C16orf74: variants seen among roughly 807,000 people sequenced by gnomAD.
The protein encoded by C16orf74 is calcimembrin.
Under a neutral mutation model 6.5 loss-of-function variants are expected in C16orf74, and 10 were observed. The observed-to-expected ratio is 1.54, with a 90% CI of 0.95 to 2.61. The LOEUF (loss-of-function observed/expected upper bound fraction) is 2.61, where lower values mean the gene tolerates loss of function less well. C16orf74 is among the 30% of genes most tolerant of loss of function. The probability of loss-of-function intolerance (pLI) is 0.00; values close to 1 mark genes in which losing one functional copy is unlikely to be tolerated. For synonymous variants in C16orf74, 60 were observed against 42.5 expected (o/e 1.41, Z -1.60); for missense variants, 141 against 105.9 (o/e 1.33, Z -1.45).
At chr16:85,724,086 G>A (rs2054109327) in intron 2 of C16orf74, among the ~76,000 whole-genome samples, 1 of 151,880 alleles carries the variant, frequency 6.6e-6, no homozygotes, top group Non-Finnish European at 1.5e-5. Context: ...CGTTTATTTT[G>A]TAGAAATGGG....
intron 2 of C16orf74, among the ~76,000 whole-genome samples, chr16:85,718,177 C>T (rs1321529945): frequency 2.6e-5 from 4 of 152,230 alleles, no homozygotes; most frequent in African/African-American, 9.6e-5. Flanking sequence ...TCAAGCGATT[C>T]TCCCATCTTG....
chr16:85,743,606 G>GT (rs1249191673), intron 1 of C16orf74: 3 of 152,170 alleles, frequency 2.0e-5, no homozygotes, highest in Admixed American at 2.0e-4. Flanking sequence ...ACAAACACAC[G>GT]TATCTTTGTA....
intron 2 of C16orf74, among the ~76,000 whole-genome samples, chr16:85,731,657 C>G (rs1024654383): frequency 6.6e-6 from 1 of 151,628 alleles, no homozygotes; most frequent in African/African-American, 2.4e-5. Flanking sequence ...GAGTGGGAAT[C>G]TGACATTGTT....
intron 1 of C16orf74, among the ~76,000 whole-genome samples, chr16:85,749,786 C>G (rs2054416217): frequency 6.6e-6 from 1 of 152,250 alleles, no homozygotes; most frequent in Non-Finnish European, 1.5e-5. Context: ...GGAAAATACA[C>G]TCTACGTGGG....
chr16:85,709,804 T>C (rs1222053174), intron 3 of C16orf74, among the ~76,000 whole-genome samples: 1 of 152,194 alleles, frequency 6.6e-6, no homozygotes, highest in Non-Finnish European at 1.5e-5. Context: ...CCGGCCAAAC[T>C]GCAGCGGCCA....
intron 2 of C16orf74, among the ~76,000 whole-genome samples, chr16:85,716,961 G>C (rs546207321): frequency 1.2e-4 from 18 of 152,206 alleles, no homozygotes; most frequent in Admixed American, 8.5e-4. Context: ...CCTGAGCCTG[G>C]GATTCCAGAA....
chr16:85,738,371 C>T (rs1404751091), intron 1 of C16orf74, among the ~76,000 whole-genome samples: 1 of 148,040 alleles, frequency 6.8e-6, no homozygotes, highest in South Asian at 2.2e-4. Context: ...GTTGCCCAGG[C>T]TGGAGTGCAG....
chr16:85,722,671 G>A (rs2054094661), intron 2 of C16orf74, among the ~76,000 whole-genome samples: 1 of 152,112 alleles, frequency 6.6e-6, no homozygotes, highest in African/African-American at 2.4e-5. Flanking sequence ...GCAGCAACAT[G>A]CTTTGGGACC....
intron 1 of C16orf74, among the ~76,000 whole-genome samples, chr16:85,735,756 C>T (rs993057265): frequency 2.0e-4 from 31 of 151,874 alleles, no homozygotes; most frequent in Non-Finnish European, 2.9e-5. Context: ...TGTGGCCCCC[C>T]CAGCCCACGG....
At chr16:85,730,994 C>T (rs1224238191) in intron 2 of C16orf74, among the ~76,000 whole-genome samples, 2 of 152,190 alleles carry the variant, frequency 1.3e-5, no homozygotes, top group African/African-American at 2.4e-5. Context: ...TAAAAGTAAT[C>T]GTACCCGTTT....
intron 2 of C16orf74, among the ~76,000 whole-genome samples, chr16:85,727,838 A>T (rs1330631998): frequency 7.5e-6 from 1 of 133,588 alleles, no homozygotes; most frequent in Non-Finnish European, 1.6e-5. Context: ...TGTGGATATT[A>T]GTTAATAAGA....
At chr16:85,711,301 G>A (rs1486602855) in intron 2 of C16orf74, among the ~76,000 whole-genome samples, 3 of 126,254 alleles carry the variant, frequency 2.4e-5, no homozygotes, top group Non-Finnish European at 3.2e-5. Context: ...AAATGACAGA[G>A]TAAGACTCCA....
At chr16:85,712,307 G>A (rs1016228689) in intron 2 of C16orf74, among the ~76,000 whole-genome samples, 2 of 152,178 alleles carry the variant, frequency 1.3e-5, no homozygotes, top group African/African-American at 4.8e-5. Context: ...CTGACCCACA[G>A]AAACTCTGAG....
At chr16:85,718,723 G>A (rs765942874) in intron 2 of C16orf74, among the ~76,000 whole-genome samples, 10 of 152,236 alleles carry the variant, frequency 6.6e-5, no homozygotes, top group South Asian at 4.1e-4. Flanking sequence ...TGCTGGCCTC[G>A]CTGTGCACAC....
chr16:85,710,110 C>G (rs931737043), intron 3 of C16orf74, 54 bp downstream of exon 3: 1 of 1,363,548 alleles, frequency 7.3e-7, no homozygotes, highest in African/African-American at 1.5e-5. Flanking sequence ...TGAGAGCTGT[C>G]TCCACCGGGC....
At chr16:85,744,657 T>A (rs368500304) in intron 1 of C16orf74, among the ~76,000 whole-genome samples, 2 of 151,558 alleles carry the variant, frequency 1.3e-5, no homozygotes, top group East Asian at 1.9e-4. Flanking sequence ...GGTGAAACCC[T>A]GTCTCTACTA....
chr16:85,718,563 C>A (rs761842551), intron 2 of C16orf74, among the ~76,000 whole-genome samples: 1 of 152,190 alleles, frequency 6.6e-6, no homozygotes, highest in Non-Finnish European at 1.5e-5. Flanking sequence ...CTCTTTGGGC[C>A]TCTGCTTCCT....
intron 2 of C16orf74, among the ~76,000 whole-genome samples, chr16:85,714,419 T>A (rs1249318880): frequency 2.0e-5 from 3 of 150,678 alleles, no homozygotes; most frequent in Non-Finnish European, 3.0e-5. Flanking sequence ...TTTATTTATT[T>A]ATTTATTTAT....
intron 2 of C16orf74, among the ~76,000 whole-genome samples, chr16:85,711,315 T>TAAAAA (rs34082214): frequency 8.1e-6 from 1 of 123,976 alleles, no homozygotes; most frequent in Non-Finnish European, 1.6e-5. Flanking sequence ...GACTCCATCT[T>TAAAAA]AAAAAAAAAA....
Sources: allele counts gnomAD v4.1 joint callset (sites outside exome capture counted in the v4.1 genomes callset), GRCh38; gene constraint gnomAD v4.1.1; transcripts MANE v1.5; gene names NCBI Gene and HGNC (gene_info 2026-07-23, HGNC 2026-07-21).